The following PIP5K1C variants were observed in gnomAD, a reference collection of about 807,000 sequenced individuals.
PIP5K1C encodes phosphatidylinositol-4-phosphate 5-kinase type 1 gamma.
In PIP5K1C, 45 loss-of-function variants were observed where a neutral mutation model predicts 80.1. The ratio of observed to expected loss-of-function variants is 0.56; its 90% confidence interval spans 0.44 to 0.72. The LOEUF is 0.72. Among genes scored for constraint, PIP5K1C ranks in the 30% least tolerant of loss-of-function variants. The pLI is 0.00. For missense variants in PIP5K1C, 753 were observed against 954.6 expected (o/e 0.79, Z 2.78); for synonymous variants, 498 against 420.1 (o/e 1.19, Z -2.27).
intron 1 of PIP5K1C, among the ~76,000 whole-genome samples, chr19:3,699,433 C>T (rs2036228239): frequency 6.6e-6 from 1 of 152,322 alleles, no homozygotes; most frequent in South Asian, 2.1e-4. Context: ...GCTTGCCCGC[C>T]TGCCAACCAA....
At chr19:3,668,202 G>T (rs1050796369) in intron 1 of PIP5K1C, among the ~76,000 whole-genome samples, 1 of 152,088 alleles carries the variant, frequency 6.6e-6, no homozygotes, top group Non-Finnish European at 1.5e-5. Flanking sequence ...TGGGACGAGG[G>T]GAGCAGGCGA....
rs141856430 is a variant in PIP5K1C at position 3,690,096 on chromosome 19, A to C, written c.94+10201T>G. ...TGGGACTCACTTTTTACTCACTGCA[A>C]GTCTGATTACTTTTTTTTTTTTTAA... On this transcript the variant is annotated intron_variant, in intron 1 of 17. Coordinates refer to ENST00000335312, the MANE Select transcript of PIP5K1C (RefSeq NM_012398.3). Among the ~76,000 whole-genome samples, 626 of 150,126 alleles carry C rather than the reference A, an allele frequency of 4.2e-3. 11 individuals are homozygous for C. Among genetic ancestry groups the C allele is most frequent in the African/African-American group, 0.014 (565 of 40,464 alleles).
At chr19:3,681,342 T>C (rs576722618) in intron 1 of PIP5K1C, among the ~76,000 whole-genome samples, 24 of 152,028 alleles carry the variant, frequency 1.6e-4, no homozygotes, top group Admixed American at 1.0e-3. Context: ...GCGATTCTCC[T>C]GCCTCAGTCT....
At chr19:3,666,803 A>G (rs1244172069) in intron 2 of PIP5K1C, among the ~76,000 whole-genome samples, 3 of 151,820 alleles carry the variant, frequency 2.0e-5, no homozygotes. Flanking sequence ...AAACGTGCAC[A>G]CACGCACGCA....
intron 15 of PIP5K1C, among the ~76,000 whole-genome samples, chr19:3,639,278 G>A (rs1244254997): frequency 6.6e-6 from 1 of 152,192 alleles, no homozygotes; most frequent in Non-Finnish European, 1.5e-5. Context: ...GCCACTCCCA[G>A]CTCAGACACA....
At chr19:3,667,285 G>A (rs2035043751) in intron 2 of PIP5K1C, 37 bp downstream of exon 2, 1 of 1,594,680 alleles carries the variant, frequency 6.3e-7, no homozygotes, top group South Asian at 1.1e-5. Flanking sequence ...AGGTCAGGGT[G>A]GGGACCCCAG....
At chr19:3,676,310 C>T (rs1201501831) in intron 1 of PIP5K1C, among the ~76,000 whole-genome samples, 1 of 152,202 alleles carries the variant, frequency 6.6e-6, no homozygotes, top group Non-Finnish European at 1.5e-5. Context: ...AGCGAGTCGC[C>T]GTAAACTGTC....
Position 3,696,727 on chromosome 19 carries a change from AGTGCGGAGGG to A in PIP5K1C, c.94+3560_94+3569del, listed in dbSNP as rs1282617085. 5.3e-5 allele frequency among the ~76,000 whole-genome samples: 1 copy of A among 18,758 alleles called. No homozygotes were observed. Among genetic ancestry groups the A allele is most frequent in the African/African-American group, 3.1e-4 (1 of 3,236 alleles). The allele number at this position is 18,758 out of a possible 152,430, so 12.3% of individuals were successfully genotyped here. ...GCAGACGGGAGGGCAGGGAGGGCAG[AGTGCGGAGGG>A]GAGGGCAGGGAGGGCAGGGAGGGCC... On this transcript the variant is annotated intron_variant, in intron 1 of 17. Transcript: ENST00000335312. This position sits in a 1 kb window ranked among gnomAD's most constrained non-coding sequence, Gnocchi z 4.1.
intron 1 of PIP5K1C, 45 bp downstream of exon 1, chr19:3,700,252 C>G (rs2036255315): frequency 1.9e-6 from 2 of 1,077,528 alleles, no homozygotes; most frequent in Non-Finnish European, 2.3e-6. Context: ...TCTCGGCGCT[C>G]GGACGAGCCC....
intron 1 of PIP5K1C, among the ~76,000 whole-genome samples, chr19:3,677,106 TTAAAA>T (rs1190459008): frequency 2.0e-5 from 3 of 150,476 alleles, no homozygotes; most frequent in Non-Finnish European, 3.0e-5. Context: ...TGTCTTAAAA[TTAAAA>T]TAAAATAAAA....
chr19:3,643,982 G>T, intron 12 of PIP5K1C, 105 bp downstream of exon 12: 4 of 1,358,428 alleles, frequency 2.9e-6, no homozygotes, highest in Non-Finnish European at 4.1e-6. Context: ...TCCGGAGGGG[G>T]TGGCTGAGCG....
intron 15 of PIP5K1C, 102 bp from the exon 16 acceptor site, chr19:3,639,118 C>T (rs896036507): frequency 1.4e-5 from 20 of 1,401,772 alleles, no homozygotes; most frequent in African/African-American, 9.8e-5. Flanking sequence ...ACGGTCATCA[C>T]GGAGATGAAA....
chr19:3,673,567 T>TG (rs1288387044), intron 1 of PIP5K1C, among the ~76,000 whole-genome samples: 1 of 152,142 alleles, frequency 6.6e-6, no homozygotes, highest in African/African-American at 2.4e-5. Flanking sequence ...GGGCAACTGC[T>TG]GGGCACCCCA....
rs770085073 is a variant in PIP5K1C at position 3,644,214 on chromosome 19, T to C, written c.1383A>G (p.Gly461=). Residue 461 remains glycine, a synonymous_variant, in exon 12 of 18, where the codon GGA becomes GGG. Coordinates refer to ENST00000335312, the MANE Select transcript of PIP5K1C (RefSeq NM_012398.3). ...CCAGCGGTTTCACAGCTAGCAAGGC[T>C]CCGCCGCGCCCCTTCTTGGAGGGCG... ...KSSPSKKGRG[G]ALLAVKPLGP... is the part of the protein sequence containing the mutation. The C allele has an allele frequency of 5.0e-6, 8 of 1,612,272 alleles. No individual in the cohort carries two copies. In the South Asian group the frequency reaches 6.6e-5, roughly 13 times the overall value.
rs1396171229 is a variant in PIP5K1C at position 3,630,367 on chromosome 19, C to A, written c.*2800G>T. 6.6e-6 allele frequency: 1 copy of A among 152,538 alleles called. No individual in the cohort carries two copies. Among genetic ancestry groups the A allele is most frequent in the Non-Finnish European group, 1.5e-5 (1 of 68,030 alleles). The allele number at this position is 152,538 out of a possible 1,614,324, so 9.4% of individuals were successfully genotyped here. A position where few individuals can be genotyped will look rare whatever the true frequency, so the allele number is the denominator to read the frequency against. On this transcript the variant is annotated 3_prime_UTR_variant, in exon 18 of 18. Transcript: ENST00000335312. ...CGTCTCGGCGCTTTGGATTGTCACG[C>A]ACCAGACCACGGGGCGGAGGAATGG...
At chr19:3,683,484 C>T (rs935835780) in intron 1 of PIP5K1C, among the ~76,000 whole-genome samples, 8 of 152,208 alleles carry the variant, frequency 5.3e-5, no homozygotes, top group South Asian at 2.1e-4. Flanking sequence ...GTGTGTGTGG[C>T]GGGGCCCGCA....
chr19:3,637,993 C>T lies in PIP5K1C; in HGVS notation c.1920+891G>A, dbSNP rs2033777418. The T allele has an allele frequency of 3.9e-6, 6 of 1,522,828 alleles. No individual in the cohort carries two copies. Among genetic ancestry groups the T allele is most frequent in the Non-Finnish European group, 5.3e-6 (6 of 1,140,572 alleles). 94.3% of individuals were successfully genotyped at this position (1,522,828 alleles called of 1,614,324 possible). On this transcript the variant is annotated intron_variant, in intron 16 of 17. Transcript: ENST00000335312. This position sits in a 1 kb window ranked among gnomAD's most constrained non-coding sequence, Gnocchi z 7.0. ...CCAGGGCCAGGTGGGTGCATGGGGACCCCAGAGGCGCCACTGGAGACAGAG... is the reference window on the plus strand; with the variant it reads ...CCAGGGCCAGGTGGGTGCATGGGGATCCCAGAGGCGCCACTGGAGACAGAG...
chr19:3,633,896 T>C (rs2145360213), intron 16 of PIP5K1C, among the ~76,000 whole-genome samples: 1 of 152,240 alleles, frequency 6.6e-6, no homozygotes, highest in South Asian at 2.1e-4. Flanking sequence ...CCCCCAATCC[T>C]GCCTGTGCCA....
rs549228492 is a variant in PIP5K1C, at chr19:3,631,473, C to G, written c.*1694G>C. 2 of 152,578 alleles carry G rather than the reference C, an allele frequency of 1.3e-5. No individual in the cohort carries two copies. The highest frequency in any genetic ancestry group is 2.1e-4 in the South Asian group (1 of 4,832). 9.5% of individuals were successfully genotyped at this position (152,578 alleles called of 1,614,324 possible). On this transcript the variant is annotated 3_prime_UTR_variant, in exon 18 of 18. Coordinates refer to ENST00000335312, the MANE Select transcript of PIP5K1C (RefSeq NM_012398.3). ...CAGCAGATGAGCACCAGGCTGTGAA[C>G]TGAGGCCAAGGTCGCTTCCCAGGGC...
Sources: allele counts gnomAD v4.1 joint callset (sites outside exome capture counted in the v4.1 genomes callset), GRCh38; gene constraint gnomAD v4.1.1; non-coding constraint Gnocchi (gnomAD v3.1); transcripts MANE v1.5; gene names NCBI Gene and HGNC (gene_info 2026-07-23, HGNC 2026-07-21).